BRINP3: variants seen among roughly 807,000 people sequenced by gnomAD.
The protein encoded by BRINP3 is BMP/retinoic acid-inducible neural-specific protein 3.
A neutral mutation model predicts 71.0 loss-of-function variants in BRINP3; 19 were observed. That is an observed-to-expected ratio of 0.27 (90% confidence interval 0.19 to 0.39). The LOEUF is 0.39. Ranked by LOEUF, BRINP3 falls within the 10% of genes least tolerant of loss-of-function variation. The pLI is 1.00. For missense variants in BRINP3, 959 were observed against 940.8 expected, an observed-to-expected ratio of 1.02 and a Z score of -0.25; for synonymous variants, 380 against 337.7, an observed-to-expected ratio of 1.13 and a Z score of -1.37.
chr1:190,312,498 G>A (rs1665605136), intron 2 of BRINP3, among the ~76,000 whole-genome samples: 1 of 151,536 alleles, frequency 6.6e-6, no homozygotes, highest in African/African-American at 2.4e-5. Flanking sequence ...TTTCCCAAGA[G>A]TTCAGAGTAC....
intron 2 of BRINP3, among the ~76,000 whole-genome samples, chr1:190,364,899 GAATT>G (rs1315711442): frequency 6.6e-6 from 1 of 152,038 alleles, no homozygotes; most frequent in Non-Finnish European, 1.5e-5. Context: ...ACTATGTAGA[GAATT>G]AATTCGCCTC....
Position 190,240,992 on chromosome 1 carries a change from T to A in BRINP3, c.619-6515A>T, listed in dbSNP as rs560914599. Among the ~76,000 whole-genome samples the A allele has an allele frequency of 2.0e-5, 3 of 150,906 alleles. No individual in the cohort carries two copies. In the South Asian group the frequency reaches 6.4e-4, roughly 32 times the overall value. ...CCATTATGTTTTATTATGCCCATCA[T>A]AAAATTGCAGGGCAATAATTTATTT... On this transcript the variant is annotated intron_variant, in intron 4 of 7. Coordinates refer to ENST00000367462, the MANE Select transcript of BRINP3 (RefSeq NM_199051.3).
chr1:190,431,991 A>T, intron 2 of BRINP3, among the ~76,000 whole-genome samples: 1 of 152,190 alleles, frequency 6.6e-6, no homozygotes, highest in East Asian at 1.9e-4. Flanking sequence ...TAAGAACCAA[A>T]TAATGCTATT....
intron 2 of BRINP3, among the ~76,000 whole-genome samples, chr1:190,374,675 G>A: frequency 6.6e-6 from 1 of 151,814 alleles, no homozygotes; most frequent in South Asian, 2.1e-4. Context: ...GACATAATGT[G>A]AGAGACAACT....
rs115307380 is a variant in BRINP3 at position 190,342,129 on chromosome 1, G to C, written c.237-60379C>G. Reference sequence around the variant, plus strand: ...CTTTTTCTCAGTCTTGCATTTATCTGGTTCTCTGTCTTCTGCCTCCCATTT... The same window carrying C: ...CTTTTTCTCAGTCTTGCATTTATCTCGTTCTCTGTCTTCTGCCTCCCATTT... On this transcript the variant is annotated intron_variant, in intron 2 of 7. Coordinates refer to ENST00000367462, the MANE Select transcript of BRINP3 (RefSeq NM_199051.3). 8.7e-3 allele frequency among the ~76,000 whole-genome samples: 1,320 copies of C among 151,164 alleles called. 13 individuals carry two copies. Among genetic ancestry groups the C allele is most frequent in the African/African-American group, 0.029 (1,211 of 41,322 alleles).
chr1:190,138,020 G>A (rs1313756401), intron 7 of BRINP3, among the ~76,000 whole-genome samples: 1 of 151,678 alleles, frequency 6.6e-6, no homozygotes, highest in Admixed American at 6.6e-5. Context: ...AATGGCATGA[G>A]CTCGGCTCAC....
At chr1:190,203,986 GA>G in intron 6 of BRINP3, among the ~76,000 whole-genome samples, 2 of 150,842 alleles carry the variant, frequency 1.3e-5, no homozygotes, top group South Asian at 4.2e-4. Context: ...TGGCCTTGAG[GA>G]TATTTACAGT....
At chr1:190,214,421 G>T (rs977638178) in intron 6 of BRINP3, among the ~76,000 whole-genome samples, 7 of 152,000 alleles carry the variant, frequency 4.6e-5, no homozygotes, top group African/African-American at 1.7e-4. Flanking sequence ...TGAGGTGAAT[G>T]CGTCCTGCAT....
chr1:190,098,184 T>G lies in BRINP3; in HGVS notation c.2135A>C (p.Lys712Thr). 6.2e-7 allele frequency: 1 copy of G among 1,614,020 alleles called. No homozygotes were observed. Among genetic ancestry groups the G allele is most frequent in the Non-Finnish European group, 8.5e-7 (1 of 1,179,986 alleles). The change falls in exon 8 of 8, where the codon AAA becomes ACA. Residue 712 changes from lysine (K) to threonine (T), a missense_variant. By Grantham distance (78) the Lys-to-Thr change is moderately conservative. Transcript: ENST00000367462. ...QLLEIRDRVN[K>T]LSPPGQRRLD... ...ACGACGCTGACCAGGTGGGGAGAGT[T>G]TATTTACACGGTCTCTGATCTCTAG... is the stretch of plus-strand genomic sequence containing the variant.
At chr1:190,141,302 A>G (rs1007545423) in intron 7 of BRINP3, among the ~76,000 whole-genome samples, 3 of 151,918 alleles carry the variant, frequency 2.0e-5, no homozygotes, top group South Asian at 2.1e-4. Flanking sequence ...TTTTTCATCA[A>G]TACTAAATTG....
At chr1:190,405,986 G>A (rs999376203) in intron 2 of BRINP3, among the ~76,000 whole-genome samples, 1 of 152,172 alleles carries the variant, frequency 6.6e-6, no homozygotes, top group Non-Finnish European at 1.5e-5. Context: ...TGTTGAAGCA[G>A]CCTGACTTTG....
intron 2 of BRINP3, among the ~76,000 whole-genome samples, chr1:190,418,386 TCA>T (rs1390115725): frequency 6.6e-6 from 1 of 152,158 alleles, no homozygotes. Flanking sequence ...TTAGTCAATG[TCA>T]CATTACGTTT....
chr1:190,201,020 G>C (rs1654957960), intron 6 of BRINP3, among the ~76,000 whole-genome samples: 3 of 152,100 alleles, frequency 2.0e-5, no homozygotes, highest in Non-Finnish European at 4.4e-5. Context: ...CCAAAAATGG[G>C]GAAGCAACTT....
intron 2 of BRINP3, among the ~76,000 whole-genome samples, chr1:190,453,636 T>A (rs1264436284): frequency 6.6e-6 from 1 of 152,202 alleles, no homozygotes; most frequent in Non-Finnish European, 1.5e-5. Flanking sequence ...AATTGTGTGG[T>A]GCTTCATGGA....
chr1:190,200,615 T>C (rs554582832), intron 6 of BRINP3, among the ~76,000 whole-genome samples: 1 of 152,066 alleles, frequency 6.6e-6, no homozygotes, highest in South Asian at 2.1e-4. Flanking sequence ...TGGAAGATGA[T>C]AGGATTTGAC....
In BRINP3 at chr1:190,121,443, T is replaced by C. The variant is rs577976692; in HGVS notation, c.1185-22309A>G. Among the ~76,000 whole-genome samples the C allele has an allele frequency of 2.9e-3, 444 of 152,254 alleles. 1 individual carries two copies. The highest frequency in any genetic ancestry group is 0.01 in the African/African-American group (434 of 41,576). On this transcript the variant is annotated intron_variant, in intron 7 of 7. Coordinates refer to ENST00000367462, the MANE Select transcript of BRINP3 (RefSeq NM_199051.3). Reference sequence around the variant, plus strand: ...ACTTAAAACAAAGACTACATAGTGATAAAAATCAAAACAGATATCAAATGT... The same window carrying C: ...ACTTAAAACAAAGACTACATAGTGACAAAAATCAAAACAGATATCAAATGT...
At chr1:190,260,928 C>T (rs1208989611) in intron 4 of BRINP3, among the ~76,000 whole-genome samples, 1 of 152,008 alleles carries the variant, frequency 6.6e-6, no homozygotes, top group African/African-American at 2.4e-5. Context: ...TGAAAGCTAT[C>T]TGATTGTCTT....
chr1:190,336,242 T>C (rs1438780852), intron 2 of BRINP3, among the ~76,000 whole-genome samples: 1 of 152,074 alleles, frequency 6.6e-6, no homozygotes, highest in Non-Finnish European at 1.5e-5. Context: ...TTGCAGTTGG[T>C]GCCTTGAGAT....
At chr1:190,215,765 T>C (rs930611257) in intron 6 of BRINP3, among the ~76,000 whole-genome samples, 6 of 151,848 alleles carry the variant, frequency 4.0e-5, no homozygotes, top group Non-Finnish European at 2.9e-5. Context: ...TCTTAGATCA[T>C]CAAATAAATG....
Sources: gnomAD v4.1 joint callset for allele counts (sites outside exome capture counted in the v4.1 genomes callset) on GRCh38, gnomAD v4.1.1 for gene constraint, MANE v1.5 for transcripts, NCBI Gene and HGNC (gene_info 2026-07-23, HGNC 2026-07-21) for gene names.